GLIS3: variants seen among roughly 807,000 people sequenced by gnomAD.
The protein encoded by GLIS3 is zinc finger protein GLIS3.
In GLIS3, 53 loss-of-function variants were observed where a neutral mutation model predicts 78.6. The ratio of observed to expected loss-of-function variants is 0.67; its 90% CI spans 0.54 to 0.85. The LOEUF (loss-of-function observed/expected upper bound fraction) is 0.85, where lower values mean the gene tolerates loss of function less well. Among genes scored for constraint, GLIS3 ranks in the 40% least tolerant of loss-of-function variants. The probability of loss-of-function intolerance (pLI) is 0.00; values close to 1 mark genes in which losing one functional copy is unlikely to be tolerated. For missense variants in GLIS3, 1,703 were observed against 1,231.1 expected (o/e 1.38, Z -5.74); for synonymous variants, 684 against 509.9 (o/e 1.34, Z -4.60).
intron 2 of GLIS3, among the ~76,000 whole-genome samples, chr9:4,134,566 G>A (rs1264318894): frequency 6.6e-6 from 1 of 152,146 alleles, no homozygotes; most frequent in Non-Finnish European, 1.5e-5. Flanking sequence ...GAGGATGAGT[G>A]AGACCCAACA....
rs10974283 is a variant in GLIS3 at position 4,028,113 on chromosome 9, C to G, written c.1710+89655G>C. ...TAGTAATTGAACATCAACCAGGTCA[C>G]AAAGACACCACGTGCCATAGAGAAT... is the stretch of plus-strand genomic sequence containing the variant. On this transcript the variant is annotated intron_variant, in intron 4 of 10. Coordinates refer to ENST00000381971, the MANE Select transcript of GLIS3 (RefSeq NM_001042413.2). 3.9e-3 allele frequency among the ~76,000 whole-genome samples: 598 copies of G among 152,304 alleles called. 19 individuals are homozygous for G. In the East Asian group the frequency reaches 0.09, roughly 23 times the overall value.
chr9:3,925,856 G>A lies in GLIS3; in HGVS notation c.1983+6504C>T, dbSNP rs367779156. On this transcript the variant is annotated intron_variant, in intron 6 of 10. Transcript: ENST00000381971. ...TTTTTGTGACCAGAAATATGCCCTC[G>A]GAACTTAATTCTCGTTTTATCAATT... 3.2e-4 allele frequency among the ~76,000 whole-genome samples: 48 copies of A among 152,210 alleles called. 1 individual carries two copies. In the South Asian group the frequency reaches 9.4e-3, roughly 30 times the overall value.
At chr9:4,452,631 C>T in the GLIS3 span, among the ~76,000 whole-genome samples, 7 of 152,204 alleles carry the variant, frequency 4.6e-5, no homozygotes, top group East Asian at 1.3e-3. Context: ...AGGAACTCTT[C>T]AAAGAGAACT....
intron 2 of GLIS3, among the ~76,000 whole-genome samples, chr9:4,244,454 A>C (rs1362835224): frequency 6.6e-6 from 1 of 152,244 alleles, no homozygotes; most frequent in Non-Finnish European, 1.5e-5. Context: ...TGAGTACAAA[A>C]AGAAAGCAGG....
chr9:4,472,566 T>G, the GLIS3 span, among the ~76,000 whole-genome samples: 2 of 147,998 alleles, frequency 1.4e-5, no homozygotes, highest in African/African-American at 5.1e-5. Context: ...ATGAGAACAC[T>G]TGGACACAGG....
At chr9:3,899,832 G>A (rs1823149945) in intron 6 of GLIS3, among the ~76,000 whole-genome samples, 1 of 152,202 alleles carries the variant, frequency 6.6e-6, no homozygotes, top group African/African-American at 2.4e-5. Context: ...GGAAGCAGAT[G>A]ATGAACAAAT....
chr9:4,267,198 T>G (rs1300316143), intron 2 of GLIS3, among the ~76,000 whole-genome samples: 1 of 152,058 alleles, frequency 6.6e-6, no homozygotes, highest in Non-Finnish European at 1.5e-5. Flanking sequence ...CCGTCACATC[T>G]CCCATCTTCT....
At chr9:4,150,513 C>A (rs1466446160) in intron 2 of GLIS3, among the ~76,000 whole-genome samples, 1 of 152,200 alleles carries the variant, frequency 6.6e-6, no homozygotes. Context: ...CCATCTAGCA[C>A]ACAGCCTGGC....
chr9:4,368,788 T>G, the GLIS3 span, among the ~76,000 whole-genome samples: 1 of 152,194 alleles, frequency 6.6e-6, no homozygotes, highest in Non-Finnish European at 1.5e-5. Context: ...GAGTCGGTTT[T>G]GAAGGACCCC....
At chr9:4,038,760 TG>T (rs763854310) in intron 4 of GLIS3, among the ~76,000 whole-genome samples, 1 of 152,216 alleles carries the variant, frequency 6.6e-6, no homozygotes, top group Non-Finnish European at 1.5e-5. Context: ...AGTTTACATC[TG>T]TACAGCTTCC....
At chr9:4,418,254 A>G in the GLIS3 span, among the ~76,000 whole-genome samples, 1 of 115,500 alleles carries the variant, frequency 8.7e-6, no homozygotes, top group African/African-American at 3.4e-5. Flanking sequence ...TTTTAATTCC[A>G]CAAATATGTA....
intron 8 of GLIS3, among the ~76,000 whole-genome samples, chr9:3,862,742 G>A (rs1319514072): frequency 6.6e-6 from 1 of 152,084 alleles, no homozygotes; most frequent in Non-Finnish European, 1.5e-5. Flanking sequence ...GTTCTGGATA[G>A]TTTTTCTTTC....
At chr9:4,284,012 C>T (rs1827777902) in intron 2 of GLIS3, among the ~76,000 whole-genome samples, 1 of 152,188 alleles carries the variant, frequency 6.6e-6, no homozygotes. Context: ...TTCTGACAGG[C>T]ATTTCAAGGT....
rs143619763 is a variant in GLIS3, at chr9:4,019,878, A to T, written c.1711-82689T>A. Among the ~76,000 whole-genome samples the T allele has an allele frequency of 7.9e-4, 121 of 152,270 alleles. 1 individual carries two copies. The highest frequency in any genetic ancestry group is 1.3e-3 in the Non-Finnish European group (86 of 68,026). ...CCACCACGAGTCCCCCACAAGTAGC[A>T]ACGACTACAGGTGCATGCCACTTAA... On this transcript the variant is annotated intron_variant, in intron 4 of 10. Coordinates refer to ENST00000381971, the MANE Select transcript of GLIS3 (RefSeq NM_001042413.2).
rs142548305 is a variant in GLIS3, at chr9:3,946,347, G to A, written c.1711-9158C>T. 3.1e-3 allele frequency among the ~76,000 whole-genome samples: 475 copies of A among 152,310 alleles called. 5 individuals carry two copies. Among genetic ancestry groups the A allele is most frequent in the Admixed American group, 5.8e-3 (89 of 15,300 alleles). On this transcript the variant is annotated intron_variant, in intron 4 of 10. Coordinates refer to ENST00000381971, the MANE Select transcript of GLIS3 (RefSeq NM_001042413.2). ...TGCTAAATAAATGCTAAGGAAAATG[G>A]AGAAAATGAACTCCTTGTAAGAATG...
chr9:4,117,963 G>A lies in GLIS3; in HGVS notation c.1515C>T (p.Ile505=), dbSNP rs752036990. The A allele has an allele frequency of 1.7e-4, 280 of 1,613,704 alleles. 2 individuals are homozygous for A. The Admixed American group carries it at 4.6e-3, about 27-fold the overall frequency. Residue 505 remains isoleucine (I), a synonymous_variant, in exon 4 of 11, where the codon ATC becomes ATT. Coordinates refer to ENST00000381971, the MANE Select transcript of GLIS3 (RefSeq NM_001042413.2). ...GIGGKHCCRW[I]DCSALYDQQE... is the part of the protein sequence containing the mutation. ...GCTGGTCGTACAGGGCGCTGCAGTC[G>A]ATCCAGCGGCAGCAATGCTTGCCCC...
chr9:4,103,021 C>T (rs1830489529), intron 4 of GLIS3, among the ~76,000 whole-genome samples: 1 of 152,018 alleles, frequency 6.6e-6, no homozygotes, highest in Non-Finnish European at 1.5e-5. Flanking sequence ...CATGACATAA[C>T]ACTCCAGTCA....
At chr9:4,417,533 A>G in the GLIS3 span, among the ~76,000 whole-genome samples, 1 of 152,178 alleles carries the variant, frequency 6.6e-6, no homozygotes, top group Non-Finnish European at 1.5e-5. Context: ...TGGTAGATAT[A>G]TAGTTTGTTC....
chr9:4,124,818 T>C (rs1302453558), intron 3 of GLIS3, among the ~76,000 whole-genome samples: 1 of 152,168 alleles, frequency 6.6e-6, no homozygotes, highest in Non-Finnish European at 1.5e-5. Flanking sequence ...AAGCAGGGGC[T>C]TAGAGAGTAA....
Sources: allele counts gnomAD v4.1 joint callset (sites outside exome capture counted in the v4.1 genomes callset), GRCh38; gene constraint gnomAD v4.1.1; transcripts MANE v1.5; gene names NCBI Gene and HGNC (gene_info 2026-07-23, HGNC 2026-07-21).